The following NEK1 variants were observed in gnomAD, a reference collection of about 807,000 sequenced individuals.
NEK1 encodes serine/threonine-protein kinase Nek1.
Under a neutral mutation model 182.1 loss-of-function variants are expected in NEK1, and 137 were observed. That is an observed-to-expected ratio of 0.75 (90% CI 0.65 to 0.87). The LOEUF is 0.87. Among genes scored for constraint, NEK1 ranks in the 40% least tolerant of loss-of-function variants. The pLI, the probability that NEK1 is intolerant of heterozygous loss-of-function variation, is 0.00. For synonymous variants in NEK1, 513 were observed against 492.2 expected (o/e 1.04, Z -0.56); for missense variants, 1,391 against 1,494.4 (o/e 0.93, Z 1.14).
intron 31 of NEK1, among the ~76,000 whole-genome samples, chr4:169,407,468 A>C (rs1404740527): frequency 6.6e-6 from 1 of 152,262 alleles, no homozygotes; most frequent in Admixed American, 6.5e-5. Flanking sequence ...AGGAAGGACA[A>C]GCACTTTGAT....
intron 4 of NEK1, among the ~76,000 whole-genome samples, chr4:169,600,251 A>C (rs1395837672): frequency 1.3e-5 from 2 of 151,964 alleles, no homozygotes; most frequent in African/African-American, 4.8e-5. Context: ...GTGCAATGGC[A>C]CGATGATGGC....
intron 19 of NEK1, 98 bp downstream of exon 19, chr4:169,537,711 G>T (rs1452904609): frequency 1.5e-5 from 14 of 910,658 alleles, no homozygotes; most frequent in Non-Finnish European, 2.5e-5. Context: ...TGCCTAGATT[G>T]TTAGACTGTC....
intron 12 of NEK1, among the ~76,000 whole-genome samples, chr4:169,570,117 A>G (rs1764469522): frequency 6.9e-6 from 1 of 144,850 alleles, no homozygotes; most frequent in African/African-American, 2.6e-5. Context: ...CCATCGTCTG[A>G]GATGTGGGGA....
intron 18 of NEK1, among the ~76,000 whole-genome samples, chr4:169,548,945 C>T (rs776881660): frequency 2.9e-4 from 44 of 152,232 alleles, no homozygotes; most frequent in Admixed American, 1.8e-3. Context: ...CACTTGGCTG[C>T]CTGGCCTCAG....
At chr4:169,602,376 T>C in intron 3 of NEK1, 138 bp downstream of exon 3, 1 of 632,882 alleles carries the variant, frequency 1.6e-6, no homozygotes, top group Non-Finnish European at 2.8e-6. Flanking sequence ...TATAGGCTAT[T>C]CTGATATTAG....
chr4:169,595,720 A>G (rs1317979688), intron 5 of NEK1, among the ~76,000 whole-genome samples: 1 of 151,910 alleles, frequency 6.6e-6, no homozygotes, highest in African/African-American at 2.4e-5. Flanking sequence ...TCAGGAGATC[A>G]AGACCATCCT....
chr4:169,471,971 T>C (rs1746056372), intron 26 of NEK1, among the ~76,000 whole-genome samples: 1 of 152,034 alleles, frequency 6.6e-6, no homozygotes, highest in Non-Finnish European at 1.5e-5. Context: ...CACACCAAGC[T>C]TGAGCATCCC....
intron 23 of NEK1, among the ~76,000 whole-genome samples, chr4:169,483,795 G>A (rs1234899944): frequency 1.3e-5 from 2 of 151,224 alleles, no homozygotes. Flanking sequence ...GAACCCGTGA[G>A]GCAGAGGTTG....
At chr4:169,505,627 T>G (rs570192106) in intron 23 of NEK1, among the ~76,000 whole-genome samples, 88 of 152,328 alleles carry the variant, frequency 5.8e-4, no homozygotes, top group Middle Eastern at 3.4e-3. Flanking sequence ...CCCATGTTGT[T>G]CATGGGTCAA....
intron 12 of NEK1, among the ~76,000 whole-genome samples, chr4:169,570,346 G>A (rs375693698): frequency 0.01 from 1,267 of 126,250 alleles, 25 homozygotes; most frequent in South Asian, 0.07. Context: ...CAGCCACCCC[G>A]TCCGGGAGGG....
chr4:169,458,904 T>C (rs1168259313), intron 27 of NEK1, among the ~76,000 whole-genome samples: 3 of 151,356 alleles, frequency 2.0e-5, no homozygotes, highest in South Asian at 2.1e-4. Flanking sequence ...AGGTTGACTA[T>C]CTCTAATCCA....
At chr4:169,452,822 G>A (rs1328111621) in intron 27 of NEK1, among the ~76,000 whole-genome samples, 1 of 152,152 alleles carries the variant, frequency 6.6e-6, no homozygotes, top group Non-Finnish European at 1.5e-5. Flanking sequence ...AGGGCAATGA[G>A]GCAAGAGAAA....
At chr4:169,441,386 G>A (rs1196923082) in intron 27 of NEK1, among the ~76,000 whole-genome samples, 3 of 152,224 alleles carry the variant, frequency 2.0e-5, no homozygotes, top group African/African-American at 7.2e-5. Flanking sequence ...TCTGCCCCAT[G>A]CATCAGAGCT....
intron 11 of NEK1, among the ~76,000 whole-genome samples, chr4:169,579,328 A>G (rs537209573): frequency 6.6e-6 from 1 of 152,322 alleles, no homozygotes; most frequent in Non-Finnish European, 1.5e-5. Flanking sequence ...GACACTGGGT[A>G]TTTCCAGCTT....
At position 169,561,517 on chromosome 4, in the gene NEK1, C is replaced by T. The variant is rs551000865; in HGVS notation, c.1229G>A (p.Arg410Lys). The T allele has an allele frequency of 6.2e-7, 1 of 1,613,638 alleles. No individual in the cohort carries two copies. The highest frequency in any genetic ancestry group is 1.1e-5 in the South Asian group (1 of 91,058). Residue 410 changes from arginine (R) to lysine (K), a missense_variant, in exon 16 of 36, where the codon AGA (arginine) becomes AAA (lysine). This residue lies in a region of NEK1 where 1,216 missense variants were observed against 1,277.6 expected (regional missense o/e 0.95). Transcript: ENST00000507142. ...RINRAREQGW[R>K]NVLSAGGSGE... is the part of the protein sequence containing the mutation. Reference sequence around the variant, plus strand: ...ACTTCCACCAGCACTTAGCACATTTCTCCATCCTTGTTCCCTGGCCCTATT... The same window carrying T: ...ACTTCCACCAGCACTTAGCACATTTTTCCATCCTTGTTCCCTGGCCCTATT...
chr4:169,574,611 GA>G (rs1235699069), intron 12 of NEK1, among the ~76,000 whole-genome samples: 12,007 of 69,344 alleles, frequency 0.17, 557 homozygotes, highest in African/African-American at 0.27. Context: ...CACCTCAAAA[GA>G]AAAAAAAAAA....
intron 4 of NEK1, 37 bp downstream of exon 4, chr4:169,601,971 T>G: frequency 7.1e-7 from 1 of 1,418,194 alleles, no homozygotes; most frequent in Non-Finnish European, 9.9e-7. Flanking sequence ...TATTAATGTC[T>G]TAGGATTTTT....
chr4:169,590,674 A>C, intron 6 of NEK1, 52 bp downstream of exon 6: 1 of 1,360,658 alleles, frequency 7.3e-7, no homozygotes, highest in Admixed American at 2.2e-5. Context: ...CAAAACAATG[A>C]AGGTTCCATG....
chr4:169,497,788 G>A (rs764858575), intron 23 of NEK1, among the ~76,000 whole-genome samples: 4 of 152,168 alleles, frequency 2.6e-5, no homozygotes, highest in Non-Finnish European at 5.9e-5. Flanking sequence ...TATAATTTCT[G>A]TTCTTTTACA....
Sources: gnomAD v4.1 joint callset for allele counts (sites outside exome capture counted in the v4.1 genomes callset) on GRCh38, gnomAD v4.1.1 for gene constraint, gnomAD v4.1.1 regional missense constraint, MANE v1.5 for transcripts, NCBI Gene and HGNC (gene_info 2026-07-23, HGNC 2026-07-21) for gene names.